The following PRELID2 variants were observed in gnomAD, a reference collection of about 807,000 sequenced individuals.
PRELID2 encodes the protein PRELI domain containing 2.
In PRELID2, 25 loss-of-function variants were observed where a neutral mutation model predicts 28.4. The ratio of observed to expected loss-of-function variants is 0.88; its 90% CI spans 0.64 to 1.23. The LOEUF is 1.23. Ranked by LOEUF, PRELID2 falls within the 50% of genes most tolerant of loss-of-function variation. The pLI, the probability that PRELID2 is intolerant of heterozygous loss-of-function variation, is 0.00. For synonymous variants in PRELID2, 76 were observed against 71.6 expected, an observed-to-expected ratio of 1.06 and a Z score of -0.31; for missense variants, 201 against 214.4, an observed-to-expected ratio of 0.94 and a Z score of 0.39.
At chr5:145,441,342 T>A in the PRELID2 span, among the ~76,000 whole-genome samples, 5 of 151,726 alleles carry the variant, frequency 3.3e-5, no homozygotes, top group South Asian at 1.0e-3. Context: ...TTCCTTTCTG[T>A]CCATCTACAC....
chr5:145,661,630 G>A (rs560697309), intron 1 of PRELID2, among the ~76,000 whole-genome samples: 1 of 141,588 alleles, frequency 7.1e-6, no homozygotes, highest in Non-Finnish European at 1.5e-5. Context: ...TCACACCGTG[G>A]ACATGATTCC....
At chr5:145,809,036 C>CTTTTT (rs372516210) in intron 4 of PRELID2, among the ~76,000 whole-genome samples, 10 of 105,820 alleles carry the variant, frequency 9.5e-5, no homozygotes, top group Admixed American at 9.5e-5. Flanking sequence ...TTTTTTTTTG[C>CTTTTT]TTTTTTTTTT....
intron 1 of PRELID2, among the ~76,000 whole-genome samples, chr5:145,699,976 C>T (rs996363677): frequency 3.3e-5 from 5 of 152,106 alleles, no homozygotes; most frequent in African/African-American, 9.7e-5. Context: ...CTGCAACTTC[C>T]TGAAATTTCC....
At chr5:145,800,993 G>A (rs751105326) in intron 4 of PRELID2, among the ~76,000 whole-genome samples, 4 of 152,028 alleles carry the variant, frequency 2.6e-5, no homozygotes, top group African/African-American at 2.4e-5. Context: ...ATGGACAGAC[G>A]GACGGATGAA....
chr5:145,302,304 AT>A, the PRELID2 span, among the ~76,000 whole-genome samples: 1 of 151,716 alleles, frequency 6.6e-6, no homozygotes, highest in Non-Finnish European at 1.5e-5. Context: ...CGCCTGGCTA[AT>A]TTTTGTATTT....
intron 1 of PRELID2, among the ~76,000 whole-genome samples, chr5:145,831,303 G>A (rs1431224667): frequency 6.6e-6 from 1 of 152,170 alleles, no homozygotes; most frequent in Non-Finnish European, 1.5e-5. Context: ...TGTGGGCACA[G>A]GACTGCATCC....
At chr5:145,431,496 G>A in the PRELID2 span, among the ~76,000 whole-genome samples, 31,845 of 152,050 alleles carry the variant, frequency 0.21, 3,710 homozygotes, top group South Asian at 0.34. Context: ...CAATGAAGAA[G>A]TCTGACTGAC....
At chr5:145,615,679 C>A (rs940465507) in intron 1 of PRELID2, among the ~76,000 whole-genome samples, 1 of 152,162 alleles carries the variant, frequency 6.6e-6, no homozygotes, top group Admixed American at 6.5e-5. Context: ...ATCCATTCTG[C>A]AGTTCTGTAT....
At chr5:145,752,826 T>G (rs1028082031), downstream of PRELID2, among the ~76,000 whole-genome samples, 1 of 152,178 alleles carries the variant, frequency 6.6e-6, no homozygotes, top group Admixed American at 6.5e-5. Context: ...GTTTTTTGGG[T>G]TTTTTTCTCT....
the PRELID2 span, among the ~76,000 whole-genome samples, chr5:145,422,793 T>G: frequency 5.9e-5 from 9 of 152,196 alleles, no homozygotes; most frequent in East Asian, 3.9e-4. Flanking sequence ...GTTAGCTGGT[T>G]ATTTTGCTCA....
chr5:145,591,295 CAAA>C (rs879536286), intron 1 of PRELID2, among the ~76,000 whole-genome samples: 2 of 94,592 alleles, frequency 2.1e-5, no homozygotes. Flanking sequence ...GACTGTGTCT[CAAA>C]AAAAAAAAAA....
the PRELID2 span, among the ~76,000 whole-genome samples, chr5:145,288,916 T>A: frequency 5.3e-5 from 8 of 152,158 alleles, no homozygotes; most frequent in African/African-American, 1.7e-4. Flanking sequence ...TATGGCAATA[T>A]CATATTGCTA....
At chr5:145,266,979 G>A in the PRELID2 span, among the ~76,000 whole-genome samples, 3 of 152,096 alleles carry the variant, frequency 2.0e-5, no homozygotes, top group Admixed American at 2.0e-4. Flanking sequence ...TAAGCTATGA[G>A]ATGCAAAGGC....
rs192478858 is a variant in PRELID2 at position 145,643,158 on chromosome 5, T to G, written n.70+121773A>C. On this transcript the variant is annotated intron_variant and non_coding_transcript_variant, in intron 1 of 2. Transcript: ENST00000510259. ...TCTTCCTATACATGAGCATGGAATG[T>G]TTTTCCATTTGTTTGTGTCCTCTCT... Among the ~76,000 whole-genome samples, 195 of 152,290 alleles carry G rather than the reference T, an allele frequency of 1.3e-3. 2 individuals carry two copies. The highest frequency in any genetic ancestry group is 4.6e-3 in the African/African-American group (191 of 41,562).
chr5:145,596,099 C>CAA lies in PRELID2; in HGVS notation n.71-122786_71-122785dup, dbSNP rs552746530. ...TGGGTGACAGAGTGAGAGCCTGTCTCAAAAAAAAAAAAAAAAAAAAGTCTG... is the reference window on the plus strand; with the variant it reads ...TGGGTGACAGAGTGAGAGCCTGTCTCAAAAAAAAAAAAAAAAAAAAAAGTCTG... On this transcript the variant is annotated intron_variant and non_coding_transcript_variant, in intron 1 of 2. Coordinates refer to the PRELID2 transcript ENST00000510259. Among the ~76,000 whole-genome samples, 132 of 43,802 alleles carry CAA rather than the reference C, an allele frequency of 3.0e-3. 4 individuals carry two copies. The highest frequency in any genetic ancestry group is 6.8e-3 in the African/African-American group (71 of 10,384). The allele number at this position is 43,802 out of a possible 152,430, so 28.7% of individuals were successfully genotyped here.
At chr5:145,670,726 C>G (rs1754689166) in intron 1 of PRELID2, among the ~76,000 whole-genome samples, 1 of 152,150 alleles carries the variant, frequency 6.6e-6, no homozygotes, top group South Asian at 2.1e-4. Flanking sequence ...CTCTCTCTGT[C>G]TTTTTTGGCT....
chr5:145,307,400 A>C, the PRELID2 span, among the ~76,000 whole-genome samples: 1 of 152,184 alleles, frequency 6.6e-6, no homozygotes, highest in African/African-American at 2.4e-5. Context: ...CTAGGAAGAC[A>C]CATAAACTGG....
chr5:145,740,086 G>C (rs908938218), intron 1 of PRELID2, among the ~76,000 whole-genome samples: 3 of 149,984 alleles, frequency 2.0e-5, no homozygotes, highest in African/African-American at 7.3e-5. Flanking sequence ...CTATTAACAA[G>C]AAACTCACAT....
At chr5:145,776,219 C>T (rs1241974094) in intron 5 of PRELID2, among the ~76,000 whole-genome samples, 5 of 152,150 alleles carry the variant, frequency 3.3e-5, no homozygotes, top group Admixed American at 2.6e-4. Flanking sequence ...TCTGTCCTGG[C>T]ACATGAATCA....
Sources: gnomAD v4.1 joint callset for allele counts (sites outside exome capture counted in the v4.1 genomes callset) on GRCh38, gnomAD v4.1.1 for gene constraint, MANE v1.5 for transcripts, NCBI Gene and HGNC (gene_info 2026-07-23, HGNC 2026-07-21) for gene names.